The following MTUS2 variants were observed in gnomAD, a reference collection of about 807,000 sequenced individuals.
The protein encoded by MTUS2 is microtubule-associated tumor suppressor candidate 2.
MTUS2 carries 40 observed loss-of-function variants against 114.1 expected under a neutral mutation model. That is an observed-to-expected ratio of 0.35 (90% CI 0.27 to 0.46). The LOEUF is 0.46. MTUS2 is among the 20% of genes least tolerant of loss of function. The pLI, the probability that MTUS2 is intolerant of heterozygous loss-of-function variation, is 1.00. For synonymous variants in MTUS2, 688 were observed against 672.0 expected (o/e 1.02, Z -0.37); for missense variants, 1,679 against 1,705.4 (o/e 0.98, Z 0.27).
At chr13:29,347,124 C>G (rs1186751319) in intron 7 of MTUS2, among the ~76,000 whole-genome samples, 1 of 152,104 alleles carries the variant, frequency 6.6e-6, no homozygotes. Context: ...CAGTGTGTCT[C>G]CACAAGCTGC....
At chr13:29,346,946 A>C in intron 7 of MTUS2, among the ~76,000 whole-genome samples, 1 of 151,378 alleles carries the variant, frequency 6.6e-6, no homozygotes, top group Non-Finnish European at 1.5e-5. Flanking sequence ...CAGGCTCCCC[A>C]GTGAGGATGT....
intron 5 of MTUS2, among the ~76,000 whole-genome samples, chr13:29,173,072 CTGGT>C (rs1458021193): frequency 6.6e-6 from 1 of 152,010 alleles, no homozygotes; most frequent in Non-Finnish European, 1.5e-5. Context: ...CTTGTTTGTG[CTGGT>C]TGTAAAATAA....
rs561043824 is a variant in MTUS2, at chr13:29,480,305, C to T, written c.3340C>T (p.Arg1114Cys). The T allele has an allele frequency of 3.1e-5, 49 of 1,556,132 alleles. No individual in the cohort carries two copies. The highest frequency in any genetic ancestry group is 3.1e-4 in the South Asian group (26 of 84,184). Residue 1114 changes from arginine (R) to cysteine (C), a missense_variant, in exon 10 of 16, where the codon CGC (arginine) becomes TGC (cysteine). This residue lies in a region of MTUS2 where 822 missense variants were observed against 899.7 expected (regional missense o/e 0.91). Transcript: ENST00000612955. This position sits in a 1 kb window ranked among gnomAD's most constrained non-coding sequence, Gnocchi z 4.4. The part of the protein sequence containing the change: ...LQLQFEAEMA[R>C]LQEEHGDQLL... ...GCTGCAATTCGAGGCGGAAATGGCG[C>T]GCCTGCAGGAGGAGCACGGTGACCA...
intron 2 of MTUS2, among the ~76,000 whole-genome samples, chr13:28,863,934 G>A (rs893390223): frequency 2.0e-5 from 3 of 152,104 alleles, no homozygotes; most frequent in Admixed American, 1.3e-4. Flanking sequence ...GGGCTCAAGC[G>A]ATCCTCCTGC....
chr13:29,434,575 C>T (rs896505019), intron 8 of MTUS2, among the ~76,000 whole-genome samples: 3 of 152,136 alleles, frequency 2.0e-5, no homozygotes, highest in African/African-American at 7.2e-5. Context: ...ATTTACCCAG[C>T]GTTCAGTTTT....
chr13:28,868,275 A>G (rs925007436), intron 2 of MTUS2, among the ~76,000 whole-genome samples: 12 of 152,194 alleles, frequency 7.9e-5, no homozygotes, highest in African/African-American at 2.9e-4. Flanking sequence ...AGGTTTATCC[A>G]TCTGTTTCTT....
At chr13:28,910,853 G>T (rs1449161882) in intron 2 of MTUS2, among the ~76,000 whole-genome samples, 2 of 117,772 alleles carry the variant, frequency 1.7e-5, no homozygotes, top group Non-Finnish European at 3.3e-5. Context: ...ACATATACAT[G>T]GCTTTTTTTT....
At chr13:29,252,437 C>A (rs568475345) in intron 5 of MTUS2, among the ~76,000 whole-genome samples, 1 of 152,256 alleles carries the variant, frequency 6.6e-6, no homozygotes, top group South Asian at 2.1e-4. Flanking sequence ...GGTCTAAATG[C>A]GTCCTGGCCA....
intron 4 of MTUS2, among the ~76,000 whole-genome samples, chr13:29,055,680 A>G (rs984569241): frequency 1.4e-4 from 21 of 152,176 alleles, no homozygotes; most frequent in Non-Finnish European, 2.8e-4. Flanking sequence ...GTAGTATTCC[A>G]TATGTATTCC....
chr13:28,863,744 C>T (rs1262907319), intron 2 of MTUS2, among the ~76,000 whole-genome samples: 1 of 152,168 alleles, frequency 6.6e-6, no homozygotes, highest in African/African-American at 2.4e-5. Context: ...GTCACCCAGA[C>T]TGGATTGAAA....
chr13:29,341,309 A>T (rs117445771), intron 7 of MTUS2, among the ~76,000 whole-genome samples: 1 of 152,106 alleles, frequency 6.6e-6, no homozygotes, highest in Admixed American at 6.5e-5. Flanking sequence ...CCCCACCAAC[A>T]TCTATTGTTT....
rs563764163 is a variant in MTUS2, at chr13:29,267,876, G to A, written c.2645-13828G>A. ...AGGGGCCACTGAGTCAAAGGAAGTG[G>A]GGGTGCTCAGAAGCTTCTGGTGCTG... On this transcript the variant is annotated intron_variant, in intron 5 of 15. Coordinates refer to ENST00000612955, the MANE Select transcript of MTUS2 (RefSeq NM_001033602.4). Among the ~76,000 whole-genome samples the A allele has an allele frequency of 2.9e-4, 44 of 152,302 alleles. No homozygotes were observed. The South Asian group carries it at 8.9e-3, about 31-fold the overall frequency.
At chr13:29,472,805 A>G (rs898614996) in intron 9 of MTUS2, among the ~76,000 whole-genome samples, 2 of 152,258 alleles carry the variant, frequency 1.3e-5, no homozygotes, top group African/African-American at 2.4e-5. Flanking sequence ...GAGAATATAA[A>G]GTAGCCATAA....
At chr13:28,942,567 G>A (rs1402417698) in intron 2 of MTUS2, among the ~76,000 whole-genome samples, 4 of 152,222 alleles carry the variant, frequency 2.6e-5, no homozygotes, top group Non-Finnish European at 4.4e-5. Context: ...CAACCCAGAT[G>A]TCCTTCAGTA....
At position 29,378,282 on chromosome 13, in the gene MTUS2, A is replaced by G. The variant is rs144959105; in HGVS notation, c.3117+18809A>G. Among the ~76,000 whole-genome samples the G allele has an allele frequency of 6.3e-3, 743 of 117,836 alleles. 3 individuals are homozygous for G. Among genetic ancestry groups the G allele is most frequent in the Non-Finnish European group, 0.01 (515 of 50,130 alleles). The allele number at this position is 117,836 out of a possible 152,430, so 77.3% of individuals were successfully genotyped here. On this transcript the variant is annotated intron_variant, in intron 8 of 15. Transcript: ENST00000612955. ...TCAGTGTTACTGTATGTTAATTTTT[A>G]TAATAAATTAAAAAAAGAAAAAAGC...
intron 8 of MTUS2, among the ~76,000 whole-genome samples, chr13:29,412,511 G>A (rs1486074957): frequency 6.7e-6 from 1 of 148,438 alleles, no homozygotes; most frequent in African/African-American, 2.5e-5. Context: ...GAGTGACATT[G>A]GTCTCCAGTT....
intron 2 of MTUS2, among the ~76,000 whole-genome samples, chr13:28,962,727 G>C (rs1036884493): frequency 6.6e-6 from 1 of 152,016 alleles, no homozygotes; most frequent in African/African-American, 2.4e-5. Flanking sequence ...ACCAAGATTT[G>C]GGAAGGTTAC....
Position 29,497,184 on chromosome 13 carries a change from G to T in MTUS2, c.3580-54G>T, listed in dbSNP as rs372097900. ...TGCTGATCACAGCTGCCCAGGCTGT[G>T]GTGGCTGCTGTCTGTAGTGGCCCCA... On this transcript the variant is annotated intron_variant, in intron 12 of 15. Transcript: ENST00000612955. 9.4e-6 allele frequency: 14 copies of T among 1,487,360 alleles called. No individual in the cohort carries two copies. In the African/African-American group the frequency reaches 9.7e-5, roughly 10 times the overall value. The allele number at this position is 1,487,360 out of a possible 1,614,324, so 92.1% of individuals were successfully genotyped here. A position where few individuals can be genotyped will look rare whatever the true frequency, so the allele number is the denominator to read the frequency against.
At chr13:29,163,307 G>T (rs1471198283) in intron 5 of MTUS2, among the ~76,000 whole-genome samples, 1 of 152,170 alleles carries the variant, frequency 6.6e-6, no homozygotes, top group Admixed American at 6.5e-5. Context: ...TTGTGGCTGG[G>T]CTCCCGTCCC....
Sources: gnomAD v4.1 joint callset for allele counts (sites outside exome capture counted in the v4.1 genomes callset) on GRCh38, gnomAD v4.1.1 for gene constraint, gnomAD v4.1.1 regional missense constraint, Gnocchi (gnomAD v3.1) non-coding constraint, MANE v1.5 for transcripts, NCBI Gene and HGNC (gene_info 2026-07-23, HGNC 2026-07-21) for gene names.